CNTNAP2: variants seen among roughly 807,000 people sequenced by gnomAD.
CNTNAP2 encodes the protein contactin associated protein 2.
CNTNAP2 carries 98 observed loss-of-function variants against 155.2 expected under a neutral mutation model. The ratio of observed to expected loss-of-function variants is 0.63; its 90% CI spans 0.54 to 0.75. CNTNAP2 has a LOEUF of 0.75. Among genes scored for constraint, CNTNAP2 ranks in the 30% least tolerant of loss-of-function variants. The pLI, the probability that CNTNAP2 is intolerant of heterozygous loss-of-function variation, is 0.00. For synonymous variants in CNTNAP2, 651 were observed against 631.2 expected (o/e 1.03, Z -0.47); for missense variants, 1,727 against 1,688.1 (o/e 1.02, Z -0.40).
At chr7:146,267,496 T>C (rs1043112954) in intron 1 of CNTNAP2, among the ~76,000 whole-genome samples, 7 of 152,252 alleles carry the variant, frequency 4.6e-5, no homozygotes, top group Admixed American at 3.9e-4. Context: ...CCCCAACATT[T>C]ATATCTTGAA....
chr7:147,166,591 G>C (rs577899576), intron 8 of CNTNAP2, among the ~76,000 whole-genome samples: 18 of 152,262 alleles, frequency 1.2e-4, no homozygotes, highest in African/African-American at 3.9e-4. Flanking sequence ...CCACCAAACA[G>C]GCTTTGTGTG....
Position 147,349,370 on chromosome 7 carries a change from T to C in CNTNAP2, c.1499-46239T>C, listed in dbSNP as rs576307159. 1.0e-3 allele frequency among the ~76,000 whole-genome samples: 153 copies of C among 152,022 alleles called. 1 individual carries two copies. Among genetic ancestry groups the C allele is most frequent in the Middle Eastern group, 6.8e-3 (2 of 294 alleles). On this transcript the variant is annotated intron_variant, in intron 9 of 23. Transcript: ENST00000361727. ...TGAATTCTCAAAAAGCAAAAGTAGA[T>C]AAAACTGTGAGAATTTCAACTCTAA...
At chr7:146,524,492 T>C (rs941949132) in intron 1 of CNTNAP2, among the ~76,000 whole-genome samples, 4 of 152,102 alleles carry the variant, frequency 2.6e-5, no homozygotes, top group African/African-American at 9.7e-5. Flanking sequence ...AGTGAAAAAA[T>C]GTTGTTTGGT....
chr7:146,388,847 G>A (rs1224674156), intron 1 of CNTNAP2, among the ~76,000 whole-genome samples: 3 of 152,016 alleles, frequency 2.0e-5, no homozygotes, highest in African/African-American at 7.2e-5. Context: ...TCACAAATAA[G>A]CAAGAATGTG....
chr7:148,286,380 G>A (rs116968669), intron 21 of CNTNAP2, among the ~76,000 whole-genome samples: 204 of 152,236 alleles, frequency 1.3e-3, no homozygotes, highest in Middle Eastern at 0.01. Context: ...TCTTGTGGCA[G>A]CCTGGGCTCC....
At chr7:147,052,391 A>G (rs1245945065) in intron 4 of CNTNAP2, among the ~76,000 whole-genome samples, 3 of 152,118 alleles carry the variant, frequency 2.0e-5, no homozygotes, top group Non-Finnish European at 4.4e-5. Context: ...TCAAATGTAA[A>G]TGATACAGGC....
chr7:147,565,617 T>C (rs899590328), intron 12 of CNTNAP2, among the ~76,000 whole-genome samples: 11 of 152,156 alleles, frequency 7.2e-5, no homozygotes, highest in African/African-American at 2.7e-4. Context: ...TAGATCTGTT[T>C]TGAAGGTAGA....
At chr7:147,174,036 T>C (rs1802285093) in intron 8 of CNTNAP2, among the ~76,000 whole-genome samples, 1 of 152,108 alleles carries the variant, frequency 6.6e-6, no homozygotes, top group African/African-American at 2.4e-5. Context: ...AGGTCCTCTA[T>C]ATTCCTCCCT....
Position 146,839,712 on chromosome 7 carries a change from T to C in CNTNAP2, c.210T>C (p.Gly70=), listed in dbSNP as rs1379422223. ...CATCTTACCTCTGCCCATCTTCAGGTGCTGGGGGATGGTCTCCATCAGACA... is the reference window on the plus strand; with the variant it reads ...CATCTTACCTCTGCCCATCTTCAGGCGCTGGGGGATGGTCTCCATCAGACA... The part of the protein sequence containing the change: ...PGYAKINKRG[G]AGGWSPSDSD... The change falls in exon 3 of 24, where the codon GGT becomes GGC. Residue 70 remains glycine (G), a splice_region_variant and synonymous_variant. Transcript: ENST00000361727. 1.2e-6 allele frequency: 2 copies of C among 1,614,098 alleles called. No individual in the cohort carries two copies. Among genetic ancestry groups the C allele is most frequent in the African/African-American group, 1.3e-5 (1 of 74,954 alleles).
chr7:147,459,237 C>T (rs527660019), intron 10 of CNTNAP2, among the ~76,000 whole-genome samples: 2 of 152,276 alleles, frequency 1.3e-5, no homozygotes, highest in South Asian at 4.1e-4. Flanking sequence ...AGTGGGACAG[C>T]CCAGCCATCG....
At chr7:146,523,032 A>G (rs1584962447) in intron 1 of CNTNAP2, among the ~76,000 whole-genome samples, 1 of 151,846 alleles carries the variant, frequency 6.6e-6, no homozygotes, top group African/African-American at 2.4e-5. Flanking sequence ...GGGTACCGGT[A>G]GTATTTGCTT....
intron 22 of CNTNAP2, among the ~76,000 whole-genome samples, chr7:148,396,533 G>A (rs1384992076): frequency 1.3e-5 from 2 of 152,178 alleles, no homozygotes; most frequent in Non-Finnish European, 2.9e-5. Context: ...TCACCACCTG[G>A]AAATGTTAGT....
intron 14 of CNTNAP2, among the ~76,000 whole-genome samples, chr7:147,914,947 A>G (rs547067658): frequency 1.3e-5 from 2 of 152,228 alleles, no homozygotes; most frequent in African/African-American, 4.8e-5. Context: ...GCAATAGATT[A>G]AGGATGTAGG....
intron 1 of CNTNAP2, among the ~76,000 whole-genome samples, chr7:146,705,723 T>G (rs1254308772): frequency 6.6e-6 from 1 of 151,974 alleles, no homozygotes; most frequent in Admixed American, 6.6e-5. Flanking sequence ...GAACTCCTAT[T>G]TATAAAACCA....
At position 146,593,138 on chromosome 7, in the gene CNTNAP2, T is replaced by G. The variant is rs140470925; in HGVS notation, c.98-181133T>G. On this transcript the variant is annotated intron_variant, in intron 1 of 23. Transcript: ENST00000361727. Reference sequence around the variant, plus strand: ...GTCCCTTGCAGGGGTATAGTTACCCTGTTTACTATGTTTATTATTATTATT... The same window carrying G: ...GTCCCTTGCAGGGGTATAGTTACCCGGTTTACTATGTTTATTATTATTATT... Among the ~76,000 whole-genome samples the G allele has an allele frequency of 8.5e-3, 1,293 of 151,508 alleles. 12 individuals carry two copies. The highest frequency in any genetic ancestry group is 0.03 in the African/African-American group (1,227 of 41,316).
At chr7:146,454,805 T>G (rs780280187) in intron 1 of CNTNAP2, among the ~76,000 whole-genome samples, 9 of 152,046 alleles carry the variant, frequency 5.9e-5, no homozygotes, top group Admixed American at 2.6e-4. Flanking sequence ...TTAATTGTTT[T>G]GGAAAAATTT....
chr7:146,946,508 T>G (rs964076352), intron 3 of CNTNAP2, among the ~76,000 whole-genome samples: 18 of 152,270 alleles, frequency 1.2e-4, no homozygotes, highest in Non-Finnish European at 7.4e-5. Flanking sequence ...TTTAATAACA[T>G]TTTTTAGGTT....
intron 1 of CNTNAP2, among the ~76,000 whole-genome samples, chr7:146,706,232 C>T (rs1012722122): frequency 3.3e-5 from 5 of 152,028 alleles, no homozygotes; most frequent in African/African-American, 1.2e-4. Context: ...CATTGTGTTT[C>T]GTGTGTTCTC....
intron 1 of CNTNAP2, among the ~76,000 whole-genome samples, chr7:146,571,949 C>G (rs74370917): frequency 0.01 from 1,546 of 152,148 alleles, 9 homozygotes; most frequent in Non-Finnish European, 0.016. Flanking sequence ...GCCATCCCGA[C>G]CTCAGATGAT....
Sources: allele counts gnomAD v4.1 joint callset (sites outside exome capture counted in the v4.1 genomes callset), GRCh38; gene constraint gnomAD v4.1.1; transcripts MANE v1.5; gene names NCBI Gene and HGNC (gene_info 2026-07-23, HGNC 2026-07-21).